The following CORIN variants were observed in gnomAD, a reference collection of about 807,000 sequenced individuals.
The protein encoded by CORIN is atrial natriuretic peptide-converting enzyme.
A neutral mutation model predicts 125.3 loss-of-function variants in CORIN; 117 were observed. The observed-to-expected ratio is 0.93, with a 90% CI of 0.80 to 1.09. The LOEUF is 1.09. Ranked by LOEUF, CORIN falls within the 50% of genes least tolerant of loss-of-function variation. The pLI is 0.00. For synonymous variants in CORIN, 450 were observed against 466.4 expected, an observed-to-expected ratio of 0.96 and a Z score of 0.45; for missense variants, 1,253 against 1,306.7, an observed-to-expected ratio of 0.96 and a Z score of 0.63.
At chr4:47,768,482 A>G (rs954134985) in intron 3 of CORIN, among the ~76,000 whole-genome samples, 2 of 152,266 alleles carry the variant, frequency 1.3e-5, no homozygotes, top group African/African-American at 4.8e-5. Context: ...TTACAAAGCC[A>G]GCATTGCCCT....
chr4:47,823,081 G>A (rs982176683), intron 1 of CORIN, among the ~76,000 whole-genome samples: 1 of 152,116 alleles, frequency 6.6e-6, no homozygotes, highest in African/African-American at 2.4e-5. Flanking sequence ...CCAAAGTGCT[G>A]GGATTACAGG....
At chr4:47,774,266 T>C (rs1247355000) in intron 3 of CORIN, among the ~76,000 whole-genome samples, 1 of 152,158 alleles carries the variant, frequency 6.6e-6, no homozygotes, top group Admixed American at 6.5e-5. Flanking sequence ...GGCTGCATGC[T>C]CCACTGGCCG....
At chr4:47,836,835 C>T (rs1733450929) in intron 1 of CORIN, among the ~76,000 whole-genome samples, 1 of 152,182 alleles carries the variant, frequency 6.6e-6, no homozygotes. Context: ...GAACTGGGTC[C>T]CAGTAAGATC....
chr4:47,609,475 G>A (rs906321049), intron 19 of CORIN, among the ~76,000 whole-genome samples: 1 of 152,102 alleles, frequency 6.6e-6, no homozygotes, highest in African/African-American at 2.4e-5. Context: ...CCTGACCTCA[G>A]GTGATCCACC....
intron 9 of CORIN, among the ~76,000 whole-genome samples, chr4:47,677,404 A>C (rs1460492638): frequency 1.3e-5 from 2 of 152,204 alleles, no homozygotes; most frequent in Non-Finnish European, 2.9e-5. Context: ...TTCCACACAC[A>C]CTGGAGCTGC....
chr4:47,608,995 T>C (rs557191513), intron 19 of CORIN, among the ~76,000 whole-genome samples: 145 of 140,294 alleles, frequency 1.0e-3, no homozygotes, highest in Non-Finnish European at 1.7e-3. Context: ...GAATATCTTA[T>C]ATTTAATATT....
chr4:47,723,326 C>A (rs989742467), intron 5 of CORIN, among the ~76,000 whole-genome samples: 1 of 152,102 alleles, frequency 6.6e-6, no homozygotes, highest in Non-Finnish European at 1.5e-5. Flanking sequence ...TCCCACAGAG[C>A]TATGTATAAA....
chr4:47,697,106 C>G (rs1726050094), intron 5 of CORIN, among the ~76,000 whole-genome samples: 1 of 152,218 alleles, frequency 6.6e-6, no homozygotes, highest in African/African-American at 2.4e-5. Flanking sequence ...CTATAAACCA[C>G]TATTGCCCTT....
chr4:47,818,394 A>T (rs886507845), intron 1 of CORIN, among the ~76,000 whole-genome samples: 1 of 152,194 alleles, frequency 6.6e-6, no homozygotes, highest in Non-Finnish European at 1.5e-5. Context: ...GATAACTACT[A>T]GACAATAAAG....
intron 1 of CORIN, among the ~76,000 whole-genome samples, chr4:47,836,548 A>G (rs1376089306): frequency 2.6e-5 from 4 of 152,180 alleles, no homozygotes; most frequent in African/African-American, 7.2e-5. Context: ...AGAAGCCACA[A>G]TTGTGCCTAT....
chr4:47,641,838 G>A (rs1723241108), intron 16 of CORIN, 82 bp downstream of exon 16: 1 of 1,510,350 alleles, frequency 6.6e-7, no homozygotes, highest in Non-Finnish European at 9.0e-7. Context: ...CTAACTCTCT[G>A]TGCATCCTAA....
intron 5 of CORIN, among the ~76,000 whole-genome samples, chr4:47,700,280 G>C (rs530988933): frequency 6.6e-6 from 1 of 152,110 alleles, no homozygotes; most frequent in Non-Finnish European, 1.5e-5. Flanking sequence ...GGGGTAGAGG[G>C]GGACTCAGGA....
chr4:47,778,567 G>A (rs1433251875), intron 3 of CORIN, among the ~76,000 whole-genome samples: 1 of 152,118 alleles, frequency 6.6e-6, no homozygotes, highest in Non-Finnish European at 1.5e-5. Flanking sequence ...TCTTATATTC[G>A]AGCTACTTTT....
At chr4:47,747,099 C>T (rs541130324) in intron 4 of CORIN, among the ~76,000 whole-genome samples, 60 of 152,182 alleles carry the variant, frequency 3.9e-4, no homozygotes, top group African/African-American at 1.4e-3. Flanking sequence ...GGTCCCAATG[C>T]CCTTGTGATC....
rs1340817188 is a variant in CORIN at position 47,744,359 on chromosome 4, C to A, written c.799+43G>T. 3.2e-6 allele frequency: 5 copies of A among 1,559,606 alleles called. No individual in the cohort carries two copies. In the Admixed American group the frequency reaches 5.2e-5, roughly 16 times the overall value. ...TCCATTCCTGTATAAATGGCATACT[C>A]AAATAAAATCTTCTAAAAATGAAAT... On this transcript the variant is annotated intron_variant, in intron 5 of 21. Coordinates refer to ENST00000273857, the MANE Select transcript of CORIN (RefSeq NM_006587.4).
intron 12 of CORIN, among the ~76,000 whole-genome samples, chr4:47,655,621 G>A (rs573446896): frequency 6.6e-6 from 1 of 152,292 alleles, no homozygotes; most frequent in South Asian, 2.1e-4. Flanking sequence ...AAGAGGAAGA[G>A]TGAGAAGAAC....
At chr4:47,694,433 GTCTC>G (rs373867765) in intron 5 of CORIN, among the ~76,000 whole-genome samples, 2 of 151,842 alleles carry the variant, frequency 1.3e-5, no homozygotes, top group African/African-American at 2.4e-5. Context: ...ATCTCCTTCT[GTCTC>G]TCTCTCACCT....
Position 47,693,739 on chromosome 4 carries a change from T to A in CORIN, c.800-656A>T, listed in dbSNP as rs76656269. On this transcript the variant is annotated intron_variant, in intron 5 of 21. Coordinates refer to ENST00000273857, the MANE Select transcript of CORIN (RefSeq NM_006587.4). ...CAGTGACATTTTTATATTTTTGCTTTTAATATTTTGGTGTTCTTTTTCTCT... is the reference window on the plus strand; with the variant it reads ...CAGTGACATTTTTATATTTTTGCTTATAATATTTTGGTGTTCTTTTTCTCT... Among the ~76,000 whole-genome samples, 225 of 152,362 alleles carry A rather than the reference T, an allele frequency of 1.5e-3. 3 individuals are homozygous for A. In the East Asian group the frequency reaches 0.037, roughly 25 times the overall value.
At chr4:47,806,105 G>A (rs551564088) in intron 2 of CORIN, among the ~76,000 whole-genome samples, 24 of 151,832 alleles carry the variant, frequency 1.6e-4, no homozygotes, top group African/African-American at 5.8e-4. Context: ...GTTTTTACTT[G>A]GTTAAAAATG....
Sources: gnomAD v4.1 joint callset for allele counts (sites outside exome capture counted in the v4.1 genomes callset) on GRCh38, gnomAD v4.1.1 for gene constraint, MANE v1.5 for transcripts, NCBI Gene and HGNC (gene_info 2026-07-23, HGNC 2026-07-21) for gene names.